Variants in SPATA9 observed in about 807,000 individuals in gnomAD.
SPATA9 encodes spermatogenesis associated 9.
In SPATA9, 27 loss-of-function variants were observed where a neutral mutation model predicts 25.5. The ratio of observed to expected loss-of-function variants is 1.06; its 90% CI spans 0.78 to 1.46. SPATA9 has a LOEUF of 1.46. Ranked by LOEUF, SPATA9 falls within the 40% of genes most tolerant of loss-of-function variation. The pLI is 0.00. For synonymous variants in SPATA9, 102 were observed against 105.7 expected, an observed-to-expected ratio of 0.97 and a Z score of 0.21; for missense variants, 282 against 297.5, an observed-to-expected ratio of 0.95 and a Z score of 0.38.
At chr5:95,661,056 C>T (rs373191095) in intron 4 of SPATA9, among the ~76,000 whole-genome samples, 19 of 152,154 alleles carry the variant, frequency 1.2e-4, no homozygotes, top group South Asian at 4.2e-4. Flanking sequence ...CCAGTTATGC[C>T]GCTGAAATCA....
At chr5:95,688,552 A>C (rs1052724031) in intron 1 of SPATA9, among the ~76,000 whole-genome samples, 1 of 152,180 alleles carries the variant, frequency 6.6e-6, no homozygotes, top group Admixed American at 6.5e-5. Flanking sequence ...CTGGCCAGAA[A>C]TCATGCATTT....
the SPATA9 span, among the ~76,000 whole-genome samples, chr5:95,722,914 C>T: frequency 6.6e-6 from 1 of 152,184 alleles, no homozygotes; most frequent in Non-Finnish European, 1.5e-5. Flanking sequence ...TTCAAAGAAA[C>T]ATATGTTCTG....
chr5:95,729,617 T>C, the SPATA9 span, among the ~76,000 whole-genome samples: 1 of 152,322 alleles, frequency 6.6e-6, no homozygotes, highest in African/African-American at 2.4e-5. Context: ...ATGCAACAGA[T>C]CTCTGTAACT....
At position 95,659,735 on chromosome 5, in the gene SPATA9, C is replaced by CCCTCCTG. The variant is rs768925189; in HGVS notation, c.475-829_475-823dup. The CCCTCCTG allele has an allele frequency of 4.6e-5, 7 of 152,370 alleles. No homozygotes were observed. The South Asian group carries it at 1.0e-3, about 23-fold the overall frequency. The allele number at this position is 152,370 out of a possible 1,614,324, so 9.4% of individuals were successfully genotyped here. The stretch of plus-strand genomic sequence containing the variant: ...CTTGAACAGCCTCAACTTCCTCTTG[C>CCCTCCTG]CCTCCTGCCTCCTGCCTCCTTCTTG... On this transcript the variant is annotated intron_variant, in intron 4 of 4. Transcript: ENST00000274432.
At chr5:95,722,498 G>GTT in the SPATA9 span, among the ~76,000 whole-genome samples, 75 of 149,180 alleles carry the variant, frequency 5.0e-4, no homozygotes, top group Admixed American at 3.1e-3. Flanking sequence ...TGTAAAAGAG[G>GTT]TTTTTTTTTT....
At chr5:95,656,100 T>C (rs780528172), downstream of SPATA9, 14 of 1,613,622 alleles carry the variant, frequency 8.7e-6, no homozygotes, top group Non-Finnish European at 1.2e-5. Context: ...CAAAATTACT[T>C]TGGCAACAGG....
chr5:95,679,493 T>TACC (rs767500330), intron 2 of SPATA9, among the ~76,000 whole-genome samples: 1 of 152,192 alleles, frequency 6.6e-6, no homozygotes, highest in Non-Finnish European at 1.5e-5. Flanking sequence ...TCTTAAGCCT[T>TACC]ACCTCTCATG....
the SPATA9 span, among the ~76,000 whole-genome samples, chr5:95,723,562 T>G: frequency 1.7e-3 from 255 of 152,326 alleles, 4 homozygotes; most frequent in Middle Eastern, 0.014. Flanking sequence ...TTGTTTGTTT[T>G]TTTAAAAAGC....
At chr5:95,652,430 C>G (rs192683719), downstream of SPATA9, 27 of 1,419,844 alleles carry the variant, frequency 1.9e-5, no homozygotes, top group East Asian at 4.8e-4. Context: ...CTTGACATCT[C>G]TACTTGGATG....
At chr5:95,663,535 T>C (rs939900019) in intron 4 of SPATA9, among the ~76,000 whole-genome samples, 3 of 152,104 alleles carry the variant, frequency 2.0e-5, no homozygotes, top group African/African-American at 7.2e-5. Context: ...CCCTTATAAT[T>C]AAAAAATCTT....
At chr5:95,718,122 A>G in the SPATA9 span, among the ~76,000 whole-genome samples, 1 of 152,226 alleles carries the variant, frequency 6.6e-6, no homozygotes, top group Non-Finnish European at 1.5e-5. Context: ...AACAAGTGAA[A>G]AAGTTAAATA....
upstream of SPATA9, among the ~76,000 whole-genome samples, chr5:95,703,550 C>A (rs1252270787): frequency 2.0e-5 from 3 of 152,008 alleles, no homozygotes; most frequent in Non-Finnish European, 4.4e-5. Context: ...AGGAAAATTG[C>A]TTTAACCTGG....
chr5:95,731,131 TA>T, the SPATA9 span: 8 of 1,026,556 alleles, frequency 7.8e-6, no homozygotes, highest in African/African-American at 1.2e-4. Context: ...TATTAATTTA[TA>T]TTCCGCGGCG....
chr5:95,712,730 C>T, the SPATA9 span, among the ~76,000 whole-genome samples: 2 of 152,112 alleles, frequency 1.3e-5, no homozygotes, highest in African/African-American at 4.8e-5. Context: ...ATCATGGAGC[C>T]GATAAAAGCC....
intron 1 of SPATA9, among the ~76,000 whole-genome samples, chr5:95,696,488 C>T (rs940891013): frequency 3.9e-5 from 6 of 152,080 alleles, no homozygotes; most frequent in African/African-American, 1.4e-4. Context: ...AAAGAAAATC[C>T]TGCTTCACAC....
chr5:95,678,594 C>T (rs1345008892), intron 2 of SPATA9, among the ~76,000 whole-genome samples: 7 of 151,882 alleles, frequency 4.6e-5, no homozygotes, highest in East Asian at 1.9e-4. Context: ...CTGGGTGGCG[C>T]GGGGGAGGGG....
intron 1 of SPATA9, among the ~76,000 whole-genome samples, chr5:95,690,239 G>A (rs1753847782): frequency 6.6e-6 from 1 of 152,118 alleles, no homozygotes; most frequent in Admixed American, 6.5e-5. Flanking sequence ...AACAGAATTG[G>A]AAATATCATC....
chr5:95,667,471 T>A (rs766896691), intron 3 of SPATA9, among the ~76,000 whole-genome samples: 10 of 152,194 alleles, frequency 6.6e-5, no homozygotes, highest in Non-Finnish European at 1.5e-4. Context: ...AATTCCTGGC[T>A]TCTGGAAAGA....
At chr5:95,705,848 T>C in the SPATA9 span, among the ~76,000 whole-genome samples, 1 of 152,226 alleles carries the variant, frequency 6.6e-6, no homozygotes, top group African/African-American at 2.4e-5. Flanking sequence ...CAGAATTATA[T>C]CTCTAGTGTT....
Sources: gnomAD v4.1 joint callset for allele counts (sites outside exome capture counted in the v4.1 genomes callset) on GRCh38, gnomAD v4.1.1 for gene constraint, MANE v1.5 for transcripts, NCBI Gene and HGNC (gene_info 2026-07-23, HGNC 2026-07-21) for gene names.